MAGI2: variants seen among roughly 807,000 people sequenced by gnomAD.
MAGI2 encodes membrane associated guanylate kinase, WW and PDZ domain containing 2, also known as membrane-associated guanylate kinase, WW and PDZ domain-containing protein 2.
Under a neutral mutation model 133.3 loss-of-function variants are expected in MAGI2, and 35 were observed. The ratio of observed to expected loss-of-function variants is 0.26; its 90% CI spans 0.20 to 0.35. The LOEUF is 0.35. MAGI2 is among the 10% of genes least tolerant of loss of function. The pLI, the probability that MAGI2 is intolerant of heterozygous loss-of-function variation, is 1.00. For synonymous variants in MAGI2, 729 were observed against 710.6 expected, an observed-to-expected ratio of 1.03 and a Z score of -0.41; for missense variants, 1,636 against 1,863.4, an observed-to-expected ratio of 0.88 and a Z score of 2.25.
At chr7:78,991,609 T>G (rs1247688458) in intron 2 of MAGI2, among the ~76,000 whole-genome samples, 2 of 150,926 alleles carry the variant, frequency 1.3e-5, no homozygotes, top group South Asian at 4.2e-4. Context: ...TTTTTTTAAA[T>G]AATGAGGAGA....
In MAGI2 at chr7:79,156,735, G is replaced by T. The variant is rs139450266; in HGVS notation, c.302-149529C>A. Among the ~76,000 whole-genome samples, 440 of 152,140 alleles carry T rather than the reference G, an allele frequency of 2.9e-3. 4 individuals are homozygous for T. The highest frequency in any genetic ancestry group is 0.01 in the African/African-American group (416 of 41,524). On this transcript the variant is annotated intron_variant, in intron 1 of 21. Coordinates refer to ENST00000354212, the MANE Select transcript of MAGI2 (RefSeq NM_012301.4). ...GACCACCTTAGGCACATGTTTTCAG[G>T]ACCTCTTGATGGCTGTGTCCCTGGT... is the stretch of plus-strand genomic sequence containing the variant.
intron 1 of MAGI2, among the ~76,000 whole-genome samples, chr7:79,167,171 G>T (rs1327790327): frequency 6.6e-6 from 1 of 151,754 alleles, no homozygotes; most frequent in African/African-American, 2.4e-5. Flanking sequence ...ATTTTGTGGG[G>T]GTTGAGGAAG....
intron 1 of MAGI2, among the ~76,000 whole-genome samples, chr7:79,419,216 A>C (rs1240539022): frequency 2.0e-5 from 3 of 152,128 alleles, no homozygotes. Context: ...ATTATCCTTC[A>C]TGGAGGAAAA....
chr7:78,457,132 A>G (rs1393928235), intron 6 of MAGI2, among the ~76,000 whole-genome samples: 1 of 152,142 alleles, frequency 6.6e-6, no homozygotes, highest in Non-Finnish European at 1.5e-5. Flanking sequence ...TGTCAGGGAG[A>G]GCTGCTTTCC....
At chr7:78,626,433 C>T (rs896027649) in intron 3 of MAGI2, among the ~76,000 whole-genome samples, 2 of 152,058 alleles carry the variant, frequency 1.3e-5, no homozygotes, top group African/African-American at 4.8e-5. Context: ...GTGACATAAA[C>T]TGTTACTTAA....
At chr7:78,555,238 A>T (rs1055627287) in intron 3 of MAGI2, among the ~76,000 whole-genome samples, 1 of 150,916 alleles carries the variant, frequency 6.6e-6, no homozygotes, top group African/African-American at 2.5e-5. Context: ...AGATAGATAG[A>T]TAGATAGATA....
chr7:79,171,969 A>G (rs900926854), intron 1 of MAGI2, among the ~76,000 whole-genome samples: 1 of 151,338 alleles, frequency 6.6e-6, no homozygotes, highest in Non-Finnish European at 1.5e-5. Flanking sequence ...GTATGCCCTT[A>G]CAGCTTTAGG....
intron 9 of MAGI2, among the ~76,000 whole-genome samples, chr7:78,323,041 G>T (rs1319506535): frequency 9.5e-6 from 1 of 104,752 alleles, no homozygotes; most frequent in African/African-American, 4.2e-5. Flanking sequence ...CCAATGAAGA[G>T]AAATAAAAAC....
At chr7:78,910,043 C>T (rs887793125) in intron 2 of MAGI2, among the ~76,000 whole-genome samples, 2 of 152,098 alleles carry the variant, frequency 1.3e-5, no homozygotes, top group South Asian at 2.1e-4. Flanking sequence ...GAACAGAAAA[C>T]GAAACACTGC....
chr7:78,183,677 G>A (rs772210607), intron 13 of MAGI2, among the ~76,000 whole-genome samples: 40 of 151,812 alleles, frequency 2.6e-4, no homozygotes, highest in Non-Finnish European at 4.0e-4. Context: ...CCATTTTCCC[G>A]TCTTGTCTCG....
chr7:78,056,823 T>C (rs1406038072), intron 21 of MAGI2, among the ~76,000 whole-genome samples: 1 of 151,966 alleles, frequency 6.6e-6, no homozygotes, highest in Non-Finnish European at 1.5e-5. Flanking sequence ...AACTTAAAAG[T>C]TGAAGAAAAA....
At chr7:79,014,845 A>G (rs1808529214) in intron 1 of MAGI2, among the ~76,000 whole-genome samples, 1 of 152,160 alleles carries the variant, frequency 6.6e-6, no homozygotes, top group African/African-American at 2.4e-5. Flanking sequence ...TTCTTCTTAG[A>G]GTCTTGGTTT....
intron 2 of MAGI2, among the ~76,000 whole-genome samples, chr7:78,928,610 T>A (rs894064656): frequency 1.3e-5 from 2 of 152,060 alleles, no homozygotes; most frequent in African/African-American, 4.8e-5. Flanking sequence ...GCCAATTAAA[T>A]AGAAGCAAGG....
At position 78,626,826 on chromosome 7, in the gene MAGI2, ATGTG is replaced by A. The variant is rs71085549; in HGVS notation, c.538+290_538+293del. Reference sequence around the variant, plus strand: ...AGGAGACAAGCACAAGAATACTTCAATGTGTGTGTGTGTGTGTGTGTGTGTGTGT... The same window carrying A: ...AGGAGACAAGCACAAGAATACTTCAATGTGTGTGTGTGTGTGTGTGTGTGT... On this transcript the variant is annotated intron_variant, in intron 3 of 21. Coordinates refer to ENST00000354212, the MANE Select transcript of MAGI2 (RefSeq NM_012301.4). Among the ~76,000 whole-genome samples the A allele has an allele frequency of 0.11, 15,868 of 148,294 alleles. 971 individuals are homozygous for A. Among genetic ancestry groups the A allele is most frequent in the African/African-American group, 0.16 (6,257 of 40,290 alleles).
chr7:78,573,217 A>AATATATAAATAT (rs1801764266), intron 3 of MAGI2, among the ~76,000 whole-genome samples: 1 of 75,964 alleles, frequency 1.3e-5, no homozygotes, highest in African/African-American at 6.4e-5. Flanking sequence ...TATATATATA[A>AATATATAAATAT]ATATATATAA....
rs1807971070 is a variant in MAGI2 at position 78,018,539 on chromosome 7, C to T, written c.*776G>A. 6.6e-6 allele frequency: 1 copy of T among 152,192 alleles called. No individual in the cohort carries two copies. The highest frequency in any genetic ancestry group is 2.1e-4 in the South Asian group (1 of 4,832). The allele number at this position is 152,192 out of a possible 1,614,324, so 9.4% of individuals were successfully genotyped here. ...AACCAATTAAGATCTATGAGCTAAA[C>T]TGCAAAATTCTGACTTATGGCAAAC... is the stretch of plus-strand genomic sequence containing the variant. On this transcript the variant is annotated 3_prime_UTR_variant, in exon 22 of 22. Coordinates refer to ENST00000354212, the MANE Select transcript of MAGI2 (RefSeq NM_012301.4).
At chr7:78,295,501 T>C (rs886510514) in intron 9 of MAGI2, among the ~76,000 whole-genome samples, 1 of 152,144 alleles carries the variant, frequency 6.6e-6, no homozygotes, top group Non-Finnish European at 1.5e-5. Flanking sequence ...TTATTCAGCG[T>C]CCTCAGTATC....
chr7:78,922,969 C>T (rs1000898548), intron 2 of MAGI2, among the ~76,000 whole-genome samples: 4 of 151,826 alleles, frequency 2.6e-5, no homozygotes, highest in Non-Finnish European at 5.9e-5. Flanking sequence ...TTTCATGTGT[C>T]TTTTGGCTGC....
At chr7:78,601,211 G>A (rs1418338464) in intron 3 of MAGI2, among the ~76,000 whole-genome samples, 2 of 152,044 alleles carry the variant, frequency 1.3e-5, no homozygotes, top group East Asian at 3.9e-4. Flanking sequence ...CTATTCTAGG[G>A]ACTGGAGAAA....
Sources: gnomAD v4.1 joint callset for allele counts (sites outside exome capture counted in the v4.1 genomes callset) on GRCh38, gnomAD v4.1.1 for gene constraint, MANE v1.5 for transcripts, NCBI Gene and HGNC (gene_info 2026-07-23, HGNC 2026-07-21) for gene names.